The following C1QTNF3 variants were observed in gnomAD, a reference collection of about 807,000 sequenced individuals.
The protein encoded by C1QTNF3 is complement C1q tumor necrosis factor-related protein 3.
Under a neutral mutation model 32.6 loss-of-function variants are expected in C1QTNF3, and 26 were observed. The observed-to-expected ratio is 0.80, with a 90% confidence interval of 0.58 to 1.11. The LOEUF is 1.11. Among genes scored for constraint, C1QTNF3 ranks in the 50% least tolerant of loss-of-function variants. The pLI is 0.00. For synonymous variants in C1QTNF3, 155 were observed against 146.0 expected (o/e 1.06, Z -0.44); for missense variants, 362 against 398.2 (o/e 0.91, Z 0.77).
chr5:34,034,936 G>T (rs1430091494), intron 2 of C1QTNF3, among the ~76,000 whole-genome samples: 3 of 152,204 alleles, frequency 2.0e-5, no homozygotes, highest in Admixed American at 2.0e-4. Context: ...TAACATCAAT[G>T]AGAGTAAGTC....
At chr5:34,216,038 G>A in the C1QTNF3 span, among the ~76,000 whole-genome samples, 352 of 152,242 alleles carry the variant, frequency 2.3e-3, 3 homozygotes, top group Non-Finnish European at 3.4e-3. Context: ...CTCTTGTTCC[G>A]TCTTTTATAT....
chr5:34,056,454 G>A, the C1QTNF3 span, among the ~76,000 whole-genome samples: 6,676 of 47,834 alleles, frequency 0.14, 669 homozygotes, highest in African/African-American at 0.24. Flanking sequence ...GTGTGTGTGT[G>A]TATATATATA....
the C1QTNF3 span, among the ~76,000 whole-genome samples, chr5:34,210,367 T>C: frequency 6.6e-6 from 1 of 152,082 alleles, no homozygotes. Context: ...GAGTACGGTT[T>C]GACCTAGACA....
At chr5:34,175,112 C>T in the C1QTNF3 span, among the ~76,000 whole-genome samples, 83 of 148,838 alleles carry the variant, frequency 5.6e-4, no homozygotes, top group Non-Finnish European at 6.7e-4. Context: ...GGTGTAATCA[C>T]AGCTTACTGC....
the C1QTNF3 span, among the ~76,000 whole-genome samples, chr5:34,187,989 C>T: frequency 6.6e-6 from 1 of 152,310 alleles, no homozygotes; most frequent in Admixed American, 6.5e-5. Context: ...CTTGTGAGTC[C>T]AGAACCCCCT....
chr5:34,041,084 G>A (rs745946192), intron 1 of C1QTNF3, among the ~76,000 whole-genome samples: 3 of 152,122 alleles, frequency 2.0e-5, no homozygotes, highest in Non-Finnish European at 4.4e-5. Flanking sequence ...CAAAGTAGAA[G>A]CACAAGAAAT....
the C1QTNF3 span, among the ~76,000 whole-genome samples, chr5:34,140,359 G>T: frequency 1.3e-5 from 2 of 152,160 alleles, no homozygotes; most frequent in South Asian, 4.1e-4. Flanking sequence ...AGTGAATCAT[G>T]AGGACTCTGA....
the C1QTNF3 span, among the ~76,000 whole-genome samples, chr5:34,113,687 T>C: frequency 2.0e-5 from 3 of 152,290 alleles, no homozygotes; most frequent in East Asian, 5.8e-4. Context: ...TATGTATATG[T>C]ATTTTAAAAC....
chr5:34,169,563 T>G, the C1QTNF3 span, among the ~76,000 whole-genome samples: 1 of 152,188 alleles, frequency 6.6e-6, no homozygotes, highest in East Asian at 1.9e-4. Flanking sequence ...TTTTATAGAT[T>G]GCCTTTTCGT....
At chr5:34,042,434 C>T (rs1173906815) in intron 1 of C1QTNF3, among the ~76,000 whole-genome samples, 3 of 152,068 alleles carry the variant, frequency 2.0e-5, no homozygotes, top group Non-Finnish European at 4.4e-5. Context: ...ATGAAGAAAG[C>T]CCAATTCTCT....
chr5:34,024,882 T>C (rs868842602), intron 4 of C1QTNF3, among the ~76,000 whole-genome samples: 1 of 152,250 alleles, frequency 6.6e-6, no homozygotes, highest in East Asian at 1.9e-4. Context: ...TGAACATAAG[T>C]CATCAAACTC....
chr5:34,115,655 C>A, the C1QTNF3 span, among the ~76,000 whole-genome samples: 1 of 150,642 alleles, frequency 6.6e-6, no homozygotes, highest in Admixed American at 6.7e-5. Flanking sequence ...GGCGTGAACC[C>A]GGGAGGCGAA....
At chr5:34,107,450 ATAT>A in the C1QTNF3 span, among the ~76,000 whole-genome samples, 1 of 152,000 alleles carries the variant, frequency 6.6e-6, no homozygotes, top group East Asian at 1.9e-4. Context: ...TGATCCATTA[ATAT>A]TAATGATAAT....
the C1QTNF3 span, among the ~76,000 whole-genome samples, chr5:34,145,396 G>C: frequency 6.6e-6 from 1 of 152,042 alleles, no homozygotes; most frequent in East Asian, 1.9e-4. Context: ...GGAGACAATA[G>C]ATATATTCCT....
At chr5:34,241,653 A>G in the C1QTNF3 span, among the ~76,000 whole-genome samples, 8 of 151,904 alleles carry the variant, frequency 5.3e-5, no homozygotes, top group Admixed American at 2.0e-4. Flanking sequence ...GCAGTGGTTC[A>G]TGCCTTTGGG....
the C1QTNF3 span, among the ~76,000 whole-genome samples, chr5:34,110,591 A>G: frequency 6.6e-6 from 1 of 152,032 alleles, no homozygotes; most frequent in Non-Finnish European, 1.5e-5. Context: ...GAAAAAAAAG[A>G]ATGACCACGC....
chr5:34,209,772 G>GT, the C1QTNF3 span, among the ~76,000 whole-genome samples: 1 of 152,030 alleles, frequency 6.6e-6, no homozygotes, highest in Non-Finnish European at 1.5e-5. Context: ...ATTATAATAT[G>GT]TAATACAAGA....
chr5:34,231,410 T>A, the C1QTNF3 span, among the ~76,000 whole-genome samples: 1 of 152,218 alleles, frequency 6.6e-6, no homozygotes, highest in Middle Eastern at 3.2e-3. Flanking sequence ...TGCTATTGAA[T>A]GTACATTCTA....
the C1QTNF3 span, chr5:34,124,503 G>C: frequency 2.8e-6 from 2 of 712,652 alleles, no homozygotes. Flanking sequence ...CCAGGAGCAA[G>C]AGAGATGGGA....
Sources: gnomAD v4.1 joint callset for allele counts (sites outside exome capture counted in the v4.1 genomes callset) on GRCh38, gnomAD v4.1.1 for gene constraint, MANE v1.5 for transcripts, NCBI Gene and HGNC (gene_info 2026-07-23, HGNC 2026-07-21) for gene names.